The following TBXAS1 variants were observed in gnomAD, a reference collection of about 807,000 sequenced individuals.
TBXAS1 encodes thromboxane-A synthase.
In TBXAS1, 48 loss-of-function variants were observed where a neutral mutation model predicts 60.7. The observed-to-expected ratio is 0.79, with a 90% CI of 0.63 to 1.01. The LOEUF (loss-of-function observed/expected upper bound fraction) is 1.01, where lower values mean the gene tolerates loss of function less well. Among genes scored for constraint, TBXAS1 ranks in the 50% least tolerant of loss-of-function variants. TBXAS1 has a pLI of 0.00. For missense variants in TBXAS1, 685 were observed against 686.3 expected (o/e 1.00, Z 0.02); for synonymous variants, 287 against 269.7 (o/e 1.06, Z -0.63).
Position 139,970,546 on chromosome 7 carries a change from C to T in TBXAS1, c.1134+8313C>T, listed in dbSNP as rs554791659. On this transcript the variant is annotated intron_variant, in intron 9 of 12. Transcript: ENST00000448866. Reference sequence around the variant, plus strand: ...TGCTGGACATGGCAAGTATGTATTCCTCATGACATTTAATGTGCTCATGTT... The same window carrying T: ...TGCTGGACATGGCAAGTATGTATTCTTCATGACATTTAATGTGCTCATGTT... Among the ~76,000 whole-genome samples the T allele has an allele frequency of 5.3e-5, 8 of 152,316 alleles. No homozygotes were observed. In the South Asian group the frequency reaches 1.0e-3, roughly 20 times the overall value.
intron 4 of TBXAS1, among the ~76,000 whole-genome samples, chr7:139,814,348 G>A (rs1798097087): frequency 6.6e-6 from 1 of 152,164 alleles, no homozygotes. Flanking sequence ...GCTGGACTCT[G>A]GGATGCCCTC....
chr7:139,956,167 A>G (rs953478553), intron 7 of TBXAS1, among the ~76,000 whole-genome samples: 1 of 151,992 alleles, frequency 6.6e-6, no homozygotes, highest in African/African-American at 2.4e-5. Flanking sequence ...ATTTTTTTAG[A>G]TGGAGTTTCG....
At chr7:139,948,744 C>A (rs1808958608) in intron 5 of TBXAS1, among the ~76,000 whole-genome samples, 1 of 151,972 alleles carries the variant, frequency 6.6e-6, no homozygotes. Context: ...CCTGCTTGTT[C>A]AAAAATCTAG....
chr7:139,829,327 A>C lies in TBXAS1; in HGVS notation c.-64A>C, dbSNP rs769116604. 6.6e-7 allele frequency: 1 copy of C among 1,504,090 alleles called. No homozygotes were observed. Among genetic ancestry groups the C allele is most frequent in the East Asian group, 2.3e-5 (1 of 43,702 alleles). 93.2% of individuals were successfully genotyped at this position (1,504,090 alleles called of 1,614,324 possible). A position where few individuals can be genotyped will look rare whatever the true frequency, so the allele number is the denominator to read the frequency against. On this transcript the variant is annotated 5_prime_UTR_variant, in exon 1 of 13. The change abolishes the stop of an existing upstream ORF in the 5' untranslated region. Transcript: ENST00000448866. Reference sequence around the variant, plus strand: ...CTACCTGCAGAGCACGGTTCCCATAAGGGCGGCGAGATCAGCCTCCTGTCT... The same window carrying C: ...CTACCTGCAGAGCACGGTTCCCATACGGGCGGCGAGATCAGCCTCCTGTCT...
intron 5 of TBXAS1, among the ~76,000 whole-genome samples, chr7:139,945,654 T>C (rs1808643485): frequency 6.6e-6 from 1 of 152,186 alleles, no homozygotes; most frequent in African/African-American, 2.4e-5. Context: ...AAGAGCAATA[T>C]TGAGAGTGTA....
At chr7:139,859,750 G>A (rs574077725) in intron 1 of TBXAS1, among the ~76,000 whole-genome samples, 36 of 152,302 alleles carry the variant, frequency 2.4e-4, no homozygotes, top group African/African-American at 8.2e-4. Context: ...GCCCTGAAAA[G>A]TTAGGATAAA....
chr7:139,791,663 G>A (rs1246331234), intron 4 of TBXAS1, among the ~76,000 whole-genome samples: 2 of 152,196 alleles, frequency 1.3e-5, no homozygotes, highest in African/African-American at 2.4e-5. Flanking sequence ...TAACTATAGT[G>A]CATGTCTTTG....
chr7:139,952,630 G>A (rs1344907768), intron 5 of TBXAS1: 26 of 1,537,024 alleles, frequency 1.7e-5, no homozygotes, highest in East Asian at 4.9e-5. Flanking sequence ...CCACCCACCC[G>A]TTTGTCGAAG....
intron 7 of TBXAS1, among the ~76,000 whole-genome samples, chr7:139,956,287 C>T (rs1409783524): frequency 1.3e-5 from 2 of 152,144 alleles, no homozygotes; most frequent in South Asian, 2.1e-4. Context: ...GCTGGGATTA[C>T]AGGCATGCAC....
At chr7:139,803,918 T>G (rs971384892) in intron 4 of TBXAS1, among the ~76,000 whole-genome samples, 10 of 152,220 alleles carry the variant, frequency 6.6e-5, no homozygotes. Flanking sequence ...GGAGCAGAGC[T>G]CTCATGGAGA....
rs1455204103 is a variant in TBXAS1 at position 139,953,372 on chromosome 7, T to C, written c.455T>C (p.Val152Ala). The change falls in exon 6 of 13, where the codon GTT becomes GCT. Residue 152 changes from valine to alanine, a missense_variant. Transcript: ENST00000448866. ...AFSPEKLNEM[V>A]PLISQACDLL... is the part of the protein sequence containing the mutation. ...ACCTTTGTTATCCATTATCAGATGG[T>C]TCCCCTCATCAGCCAAGCCTGCGAC... 1.2e-6 allele frequency: 2 copies of C among 1,613,718 alleles called. No homozygotes were observed. The highest frequency in any genetic ancestry group is 1.7e-5 in the Admixed American group (1 of 60,004).
At chr7:139,929,518 G>A (rs1037904213) in intron 4 of TBXAS1, among the ~76,000 whole-genome samples, 4 of 152,116 alleles carry the variant, frequency 2.6e-5, no homozygotes, top group Admixed American at 6.5e-5. Context: ...GCAGGTAATC[G>A]AAAAAGGTTG....
At chr7:139,806,242 G>A (rs142612576) in intron 4 of TBXAS1, among the ~76,000 whole-genome samples, 2 of 125,940 alleles carry the variant, frequency 1.6e-5, no homozygotes, top group African/African-American at 3.1e-5. Context: ...CCTGGCCTAT[G>A]TTATTTTATT....
At chr7:139,796,243 T>C (rs1369298902) in intron 4 of TBXAS1, among the ~76,000 whole-genome samples, 1 of 152,210 alleles carries the variant, frequency 6.6e-6, no homozygotes, top group Non-Finnish European at 1.5e-5. Context: ...CACATAGCGG[T>C]ATTTAATGGA....
chr7:139,867,713 A>G (rs990674391), intron 1 of TBXAS1, among the ~76,000 whole-genome samples: 5 of 152,192 alleles, frequency 3.3e-5, no homozygotes, highest in African/African-American at 1.2e-4. Flanking sequence ...GCTACTCAGG[A>G]GGCTGAGGCA....
intron 3 of TBXAS1, among the ~76,000 whole-genome samples, chr7:139,894,919 A>G (rs1803962802): frequency 6.6e-6 from 1 of 152,178 alleles, no homozygotes; most frequent in African/African-American, 2.4e-5. Flanking sequence ...CTCTTTTCCC[A>G]AAGAAAGCTG....
intron 9 of TBXAS1, among the ~76,000 whole-genome samples, chr7:139,977,212 A>G (rs913385954): frequency 6.6e-6 from 1 of 152,204 alleles, no homozygotes; most frequent in Admixed American, 6.5e-5. Context: ...TGGGCAATTT[A>G]CAAAAGAAAG....
At position 139,829,420 on chromosome 7, in the gene TBXAS1, A is replaced by C; in HGVS notation, c.30A>C (p.Glu10Asp). 6.2e-7 allele frequency: 1 copy of C among 1,613,936 alleles called. No homozygotes were observed. The highest frequency in any genetic ancestry group is 8.5e-7 in the Non-Finnish European group (1 of 1,179,960). Residue 10 changes from glutamate (E) to aspartate (D), a missense_variant, in exon 1 of 13, where the codon GAA becomes GAC. By Grantham distance (45) the Glu-to-Asp change is conservative. Coordinates refer to ENST00000448866, the MANE Select transcript of TBXAS1 (RefSeq NM_001061.7). MEALGFLKLEVNGPMVTVAL... is the reference protein window; with the variant it reads MEALGFLKLDVNGPMVTVAL... ...AAGCCTTGGGGTTTCTAAAATTGGA[A>C]GTGAATGGCCCCATGGTGACGGTGG...
Sources: gnomAD v4.1 joint callset for allele counts (sites outside exome capture counted in the v4.1 genomes callset) on GRCh38, gnomAD v4.1.1 for gene constraint, MANE v1.5 for transcripts, NCBI Gene and HGNC (gene_info 2026-07-23, HGNC 2026-07-21) for gene names.